The following TFAP2E variants were observed in gnomAD, a reference collection of about 807,000 sequenced individuals.
TFAP2E encodes the protein transcription factor AP-2 epsilon, also known as transcription factor AP-2-epsilon.
Under a neutral mutation model 37.9 loss-of-function variants are expected in TFAP2E, and 30 were observed. The observed-to-expected ratio is 0.79, with a 90% confidence interval of 0.59 to 1.07. TFAP2E has a LOEUF of 1.07. TFAP2E is among the 50% of genes least tolerant of loss of function. The pLI, the probability that TFAP2E is intolerant of heterozygous loss-of-function variation, is 0.00. For missense variants in TFAP2E, 567 were observed against 637.9 expected (o/e 0.89, Z 1.20); for synonymous variants, 318 against 295.8 (o/e 1.08, Z -0.77).
Position 35,590,500 on chromosome 1 carries a change from G to T in TFAP2E, c.905-134G>T. The T allele has an allele frequency of 9.0e-7, 1 of 1,108,734 alleles. No individual in the cohort carries two copies. The highest frequency in any genetic ancestry group is 2.7e-5 in the South Asian group (1 of 37,132). The allele number at this position is 1,108,734 out of a possible 1,614,324, so 68.7% of individuals were successfully genotyped here. On this transcript the variant is annotated intron_variant, in intron 5 of 6. Coordinates refer to ENST00000373235, the MANE Select transcript of TFAP2E (RefSeq NM_178548.4). The surrounding 1 kb of genome is among the most constrained non-coding windows in gnomAD (Gnocchi z 6.2). ...TGGAATGGGGGCTGGAGCTGGGCTG[G>T]GAAGGAACATCAGAGGGGGCATCTA...
intron 4 of TFAP2E, among the ~76,000 whole-genome samples, chr1:35,589,405 G>A (rs1475261726): frequency 6.6e-6 from 1 of 151,544 alleles, no homozygotes; most frequent in Non-Finnish European, 1.5e-5. Context: ...CTGACTTGGT[G>A]TGATCCTGTG....
At position 35,577,158 on chromosome 1, in the gene TFAP2E, G is replaced by T. The variant is rs1649202881; in HGVS notation, c.562+2158G>T. Among the ~76,000 whole-genome samples, 1 of 152,252 alleles carries T rather than the reference G, an allele frequency of 6.6e-6. No individual in the cohort carries two copies. The highest frequency in any genetic ancestry group is 1.5e-5 in the Non-Finnish European group (1 of 68,040). On this transcript the variant is annotated intron_variant, in intron 3 of 6. Transcript: ENST00000373235. This position sits in a 1 kb window ranked among gnomAD's most constrained non-coding sequence, Gnocchi z 6.3. ...TTACAGCCCGCGCAGCAGCAGCAAA[G>T]GGGAAGGGGCAGGAGCCGGGCACAG...
At chr1:35,582,065 G>A (rs550985364) in intron 3 of TFAP2E, among the ~76,000 whole-genome samples, 18 of 151,974 alleles carry the variant, frequency 1.2e-4, no homozygotes, top group Non-Finnish European at 2.2e-4. Flanking sequence ...TAGTTGAGAC[G>A]GGGTTTCACC....
In TFAP2E at chr1:35,588,590, T is replaced by C; in HGVS notation, c.785+38T>C. ...GCCCACAATTCCCCGCCTGATTGGA[T>C]CCCTGGCCTCTTCAGGCCTTCTCAA... On this transcript the variant is annotated intron_variant, in intron 4 of 6. Transcript: ENST00000373235. The surrounding 1 kb of genome is among the most constrained non-coding windows in gnomAD (Gnocchi z 5.1). The C allele has an allele frequency of 6.5e-7, 1 of 1,528,360 alleles. No individual in the cohort carries two copies. Among genetic ancestry groups the C allele is most frequent in the South Asian group, 1.2e-5 (1 of 80,688 alleles). The allele number at this position is 1,528,360 out of a possible 1,614,324, so 94.7% of individuals were successfully genotyped here. A position where few individuals can be genotyped will look rare whatever the true frequency, so the allele number is the denominator to read the frequency against.
At chr1:35,575,807 GC>G (rs1649152380) in intron 3 of TFAP2E, among the ~76,000 whole-genome samples, 1 of 152,206 alleles carries the variant, frequency 6.6e-6, no homozygotes, top group South Asian at 2.1e-4. Flanking sequence ...TTCCAAGCAT[GC>G]GCGGGCCCTC....
intron 4 of TFAP2E, among the ~76,000 whole-genome samples, chr1:35,589,037 C>T (rs1419039969): frequency 3.3e-5 from 5 of 152,030 alleles, no homozygotes; most frequent in Non-Finnish European, 7.4e-5. Flanking sequence ...TGCTTCAGGG[C>T]CATGAGCTTG....
At position 35,574,423 on chromosome 1, in the gene TFAP2E, G is replaced by T. The variant is rs1164082030; in HGVS notation, c.510+14G>T. 1.0e-5 allele frequency: 14 copies of T among 1,401,750 alleles called. No individual in the cohort carries two copies. Among genetic ancestry groups the T allele is most frequent in the Non-Finnish European group, 1.3e-5 (14 of 1,085,924 alleles). The allele number at this position is 1,401,750 out of a possible 1,614,324, so 86.8% of individuals were successfully genotyped here. A position where few individuals can be genotyped will look rare whatever the true frequency, so the allele number is the denominator to read the frequency against. ...GAGGACCTGCAGGTGAGACCCGAGGGATCCGGGATGGGTCGGGACTGGCCG... is the reference window on the plus strand; with the variant it reads ...GAGGACCTGCAGGTGAGACCCGAGGTATCCGGGATGGGTCGGGACTGGCCG... On this transcript the variant is annotated intron_variant, in intron 2 of 6. Transcript: ENST00000373235.
At position 35,574,390 on chromosome 1, in the gene TFAP2E, C is replaced by A; in HGVS notation, c.491C>A (p.Pro164His). ...GGCCTTCCGGGGCTGGCGGCGGCCC[C>A]CGGTCTGGAGGACCTGCAGGTGAGA... ...PLGLPGLAAA[P>H]GLEDLQAMDE... is the part of the protein sequence containing the mutation. The change falls in exon 2 of 7, where the codon CCC (proline) becomes CAC (histidine). Residue 164 changes from proline to histidine, a missense_variant. Transcript: ENST00000373235. 7.0e-7 allele frequency: 1 copy of A among 1,435,636 alleles called. No homozygotes were observed. Among genetic ancestry groups the A allele is most frequent in the East Asian group, 2.9e-5 (1 of 34,734 alleles). 88.9% of individuals were successfully genotyped at this position (1,435,636 alleles called of 1,614,324 possible). A position where few individuals can be genotyped will look rare whatever the true frequency, so the allele number is the denominator to read the frequency against.
chr1:35,575,123 T>C, intron 3 of TFAP2E, 123 bp downstream of exon 3: 1 of 1,269,298 alleles, frequency 7.9e-7, no homozygotes, highest in Non-Finnish European at 1.1e-6. Flanking sequence ...CCAGGCACTC[T>C]TCCTGGCCCA....
chr1:35,584,248 C>T (rs1420366826), intron 3 of TFAP2E, among the ~76,000 whole-genome samples: 2 of 152,176 alleles, frequency 1.3e-5, no homozygotes, highest in Non-Finnish European at 2.9e-5. Context: ...TGGGCACATG[C>T]CACCATGCCT....
intron 3 of TFAP2E, among the ~76,000 whole-genome samples, chr1:35,586,417 G>A (rs964266172): frequency 6.6e-6 from 1 of 152,170 alleles, no homozygotes; most frequent in South Asian, 2.1e-4. Flanking sequence ...GGAACTGACC[G>A]GGCTCTGATG....
chr1:35,583,448 T>C (rs1436316735), intron 3 of TFAP2E, among the ~76,000 whole-genome samples: 1 of 152,170 alleles, frequency 6.6e-6, no homozygotes, highest in African/African-American at 2.4e-5. Flanking sequence ...TGGCCTTCCA[T>C]GTTTTCTTCT....
In TFAP2E at chr1:35,594,357, T is replaced by C. The variant is rs768347378; in HGVS notation, c.1047-37T>C. 5.0e-6 allele frequency: 8 copies of C among 1,597,558 alleles called. No homozygotes were observed. In the East Asian group the frequency reaches 1.6e-4, roughly 31 times the overall value. ...GCAGGTCCTTCTCTGGGCTCAGACT[T>C]TTGTCCTCCAACCTCTGACCCTCCT... On this transcript the variant is annotated intron_variant, in intron 6 of 6. Coordinates refer to ENST00000373235, the MANE Select transcript of TFAP2E (RefSeq NM_178548.4).
chr1:35,586,090 A>G (rs1649473077), intron 3 of TFAP2E, among the ~76,000 whole-genome samples: 1 of 152,104 alleles, frequency 6.6e-6, no homozygotes. Context: ...AAATGTATAC[A>G]TGTGGCTCAC....
chr1:35,594,787 G>A lies in TFAP2E; in HGVS notation c.*111G>A. On this transcript the variant is annotated 3_prime_UTR_variant, in exon 7 of 7. Transcript: ENST00000373235. Reference sequence around the variant, plus strand: ...GGTGGGATTAGAGTCAGGCCAGAAAGAGAACATTCATCCAGAGATCCCAGA... The same window carrying A: ...GGTGGGATTAGAGTCAGGCCAGAAAAAGAACATTCATCCAGAGATCCCAGA... 1 of 1,493,858 alleles carries A rather than the reference G, an allele frequency of 6.7e-7. No individual in the cohort carries two copies. The highest frequency in any genetic ancestry group is 9.0e-7 in the Non-Finnish European group (1 of 1,110,732). 92.5% of individuals were successfully genotyped at this position (1,493,858 alleles called of 1,614,324 possible). A position where few individuals can be genotyped will look rare whatever the true frequency, so the allele number is the denominator to read the frequency against.
intron 3 of TFAP2E, among the ~76,000 whole-genome samples, chr1:35,580,009 C>A (rs1296127347): frequency 6.6e-6 from 1 of 151,322 alleles, no homozygotes; most frequent in African/African-American, 2.4e-5. Context: ...GAGATTGAGA[C>A]CAGCCTGACC....
rs1184781045 is a variant in TFAP2E, at chr1:35,577,490, G to T, written c.562+2490G>T. 1.8e-5 allele frequency: 8 copies of T among 455,646 alleles called. No homozygotes were observed. In the Middle Eastern group the frequency reaches 2.0e-3, roughly 112 times the overall value. 28.2% of individuals were successfully genotyped at this position (455,646 alleles called of 1,614,324 possible). The stretch of plus-strand genomic sequence containing the variant: ...CGGTACTGGAGCCTGCCCCGCCAGG[G>T]CCCTGGAATCAGAGAAAGTCGCTCT... On this transcript the variant is annotated intron_variant, in intron 3 of 6. Transcript: ENST00000373235. The surrounding 1 kb of genome is among the most constrained non-coding windows in gnomAD (Gnocchi z 6.3).
chr1:35,575,050 T>C (rs1337933360), intron 3 of TFAP2E, 50 bp downstream of exon 3: 6 of 1,608,906 alleles, frequency 3.7e-6, no homozygotes, highest in Non-Finnish European at 5.1e-6. Flanking sequence ...TGCAGGCCCT[T>C]GGTGCACAGA....
At chr1:35,579,396 CAAAA>C (rs879878085) in intron 3 of TFAP2E, among the ~76,000 whole-genome samples, 8 of 139,648 alleles carry the variant, frequency 5.7e-5, no homozygotes, top group Non-Finnish European at 1.6e-5. Flanking sequence ...AACTCTGTCT[CAAAA>C]AAAAAAAAAA....
Sources: gnomAD v4.1 joint callset for allele counts (sites outside exome capture counted in the v4.1 genomes callset) on GRCh38, gnomAD v4.1.1 for gene constraint, Gnocchi (gnomAD v3.1) non-coding constraint, MANE v1.5 for transcripts, NCBI Gene and HGNC (gene_info 2026-07-23, HGNC 2026-07-21) for gene names.